UPRT: variants seen among roughly 807,000 people sequenced by gnomAD.
The protein encoded by UPRT is uracil phosphoribosyltransferase homolog.
A neutral mutation model predicts 22.6 loss-of-function variants in UPRT; 5 were observed. The observed-to-expected ratio is 0.22, with a 90% CI of 0.12 to 0.47. The LOEUF (loss-of-function observed/expected upper bound fraction) is 0.47, where lower values mean the gene tolerates loss of function less well. Ranked by LOEUF, UPRT falls within the 20% of genes least tolerant of loss-of-function variation. The pLI, the probability that UPRT is intolerant of heterozygous loss-of-function variation, is 0.99. For missense variants in UPRT, 181 were observed against 239.9 expected, an observed-to-expected ratio of 0.75 and a Z score of 1.62; for synonymous variants, 77 against 87.7, an observed-to-expected ratio of 0.88 and a Z score of 0.68.
intron 4 of UPRT, among the ~76,000 whole-genome samples, chrX:75,175,019 A>C (rs930560299): frequency 6.5e-5 from 7 of 107,807 alleles, no homozygotes; most frequent in Admixed American, 6.0e-4. Context: ...TCGTTCTCTG[A>C]TGTTTTTCTC....
chrX:75,188,195 G>A (rs1167110532), intron 4 of UPRT, among the ~76,000 whole-genome samples: 1 of 111,823 alleles, frequency 8.9e-6, no homozygotes, highest in East Asian at 2.8e-4. Flanking sequence ...TGTACAGAAG[G>A]TTTTTGGTGT....
intron 4 of UPRT, among the ~76,000 whole-genome samples, chrX:75,251,399 G>A (rs776748922): frequency 1.8e-5 from 2 of 111,512 alleles, no homozygotes; most frequent in East Asian, 2.8e-4. Context: ...AAAATCACAA[G>A]CATTCTTATA....
chrX:75,217,401 G>A (rs1182164819), intron 4 of UPRT, among the ~76,000 whole-genome samples: 1 of 111,162 alleles, frequency 9.0e-6, no homozygotes, highest in Non-Finnish European at 1.9e-5. Flanking sequence ...TGGGCAGTAT[G>A]GCCATTTTCA....
chrX:75,178,428 C>T (rs989657634), intron 4 of UPRT, among the ~76,000 whole-genome samples: 4 of 111,847 alleles, frequency 3.6e-5, no homozygotes, highest in African/African-American at 9.7e-5. Flanking sequence ...TGGCGATAGG[C>T]GAAAGTCCCT....
intron 4 of UPRT, among the ~76,000 whole-genome samples, chrX:75,263,825 G>C (rs1015186247): frequency 9.0e-6 from 1 of 110,763 alleles, no homozygotes; most frequent in African/African-American, 3.3e-5. Context: ...GTCAATTTTG[G>C]ATCTTTCCTG....
chrX:75,271,071 T>C (rs2082606683), upstream of UPRT, among the ~76,000 whole-genome samples: 1 of 111,536 alleles, frequency 9.0e-6, no homozygotes, highest in Non-Finnish European at 1.9e-5. Context: ...GAATCAATAT[T>C]GTGAACAGGA....
intron 1 of UPRT, among the ~76,000 whole-genome samples, chrX:75,276,045 T>C (rs1437643766): frequency 9.0e-6 from 1 of 111,646 alleles, no homozygotes; most frequent in Non-Finnish European, 1.9e-5. Context: ...TTCTTCATAG[T>C]TCCTAGGAAC....
chrX:75,247,613 A>T (rs2082511540), intron 4 of UPRT, among the ~76,000 whole-genome samples: 1 of 112,741 alleles, frequency 8.9e-6, no homozygotes, highest in South Asian at 3.6e-4. Flanking sequence ...CCATAGCTCA[A>T]GGAGGCCTGC....
intron 1 of UPRT, among the ~76,000 whole-genome samples, chrX:75,276,201 C>T (rs773036333): frequency 8.0e-5 from 9 of 112,041 alleles, no homozygotes; most frequent in African/African-American, 2.6e-4. Context: ...ATCATTATTC[C>T]TGGCTTATCT....
upstream of UPRT, chrX:75,273,991 A>C: frequency 3.0e-6 from 1 of 333,591 alleles, no homozygotes; most frequent in Non-Finnish European, 5.1e-6. Context: ...GGTGACTCAA[A>C]GGGTTAACAA....
rs185523495 is a variant in UPRT, at chrX:75,241,875, A to T, written c.-446-49149A>T. The stretch of plus-strand genomic sequence containing the variant: ...TATAATTGGGAACTACACTATGAGG[A>T]TACAAAGGCATAAGAATGATACAAT... On this transcript the variant is annotated intron_variant, in intron 4 of 13. Transcript: ENST00000652605. Among the ~76,000 whole-genome samples the T allele has an allele frequency of 3.5e-3, 378 of 109,213 alleles. 2 individuals are homozygous for T. The highest frequency in any genetic ancestry group is 0.012 in the African/African-American group (361 of 30,431). 94.8% of individuals were successfully genotyped at this position (109,213 alleles called of 115,157 possible). A position where few individuals can be genotyped will look rare whatever the true frequency, so the allele number is the denominator to read the frequency against.
At chrX:75,262,977 T>A in intron 4 of UPRT, among the ~76,000 whole-genome samples, 1 of 111,170 alleles carries the variant, frequency 9.0e-6, no homozygotes, top group African/African-American at 3.3e-5. Flanking sequence ...TACAGAACCC[T>A]CCACCCCAAA....
intron 4 of UPRT, among the ~76,000 whole-genome samples, chrX:75,236,893 G>C (rs2082467726): frequency 8.9e-6 from 1 of 112,165 alleles, no homozygotes; most frequent in Non-Finnish European, 1.9e-5. Flanking sequence ...GCATGGCAAG[G>C]ACTTCATGTC....
chrX:75,254,250 G>A (rs2082541693), intron 4 of UPRT, among the ~76,000 whole-genome samples: 1 of 111,575 alleles, frequency 9.0e-6, no homozygotes, highest in Non-Finnish European at 1.9e-5. Flanking sequence ...ATGCACCAGA[G>A]AAAGATGAAG....
At chrX:75,243,770 A>G (rs1287801138) in intron 4 of UPRT, among the ~76,000 whole-genome samples, 1 of 111,957 alleles carries the variant, frequency 8.9e-6, no homozygotes, top group Admixed American at 9.5e-5. Context: ...TGAGACACTG[A>G]ACAAAACTAT....
At chrX:75,248,554 C>T (rs892533388) in intron 4 of UPRT, among the ~76,000 whole-genome samples, 3 of 111,702 alleles carry the variant, frequency 2.7e-5, no homozygotes, top group African/African-American at 9.8e-5. Flanking sequence ...AAATATGGGA[C>T]TATGTGAAAA....
intron 1 of UPRT, among the ~76,000 whole-genome samples, chrX:75,292,759 T>A (rs2082712793): frequency 9.0e-6 from 1 of 111,103 alleles, no homozygotes; most frequent in Non-Finnish European, 1.9e-5. Context: ...CATCAGTTAT[T>A]TAACATTCCC....
At position 75,206,737 on chromosome X, in the gene UPRT, T is replaced by G; in HGVS notation, c.-447+38858T>G. On this transcript the variant is annotated intron_variant, in intron 4 of 13. Coordinates refer to the UPRT transcript ENST00000652605. ...TGGAGTGCAGTGGCATGATTTTGGC[T>G]CACTGCAACCTCCACCTCCTGGGTT... Among the ~76,000 whole-genome samples the G allele has an allele frequency of 2.7e-5, 3 of 110,894 alleles. No homozygotes were observed. The East Asian group carries it at 8.5e-4, about 32-fold the overall frequency.
chrX:75,166,750 T>G (rs768245484), intron 3 of UPRT, among the ~76,000 whole-genome samples: 1 of 112,263 alleles, frequency 8.9e-6, no homozygotes, highest in African/African-American at 3.2e-5. Context: ...AATCTTCTCT[T>G]CTCCACAAAA....
Sources: allele counts gnomAD v4.1 joint callset (sites outside exome capture counted in the v4.1 genomes callset), GRCh38; gene constraint gnomAD v4.1.1; transcripts MANE v1.5; gene names NCBI Gene and HGNC (gene_info 2026-07-23, HGNC 2026-07-21).